OR2T6: variants seen among roughly 807,000 people sequenced by gnomAD.
OR2T6 encodes olfactory receptor 2T6.
For synonymous variants in OR2T6, 174 were observed against 148.0 expected (o/e 1.18, Z -1.27); for missense variants, 424 against 391.6 (o/e 1.08, Z -0.70).
Position 248,388,542 on chromosome 1 carries a change from T to C in OR2T6, c.*7T>C. ...AGTTGTGGCAAGATGTTAGGGGACA[T>C]GTGGTGTGATGAGGAAAGAATTCTG... On this transcript the variant is annotated 3_prime_UTR_variant, in exon 3 of 3. Transcript: ENST00000641644. The C allele has an allele frequency of 6.5e-7, 1 of 1,544,772 alleles. No individual in the cohort carries two copies. Among genetic ancestry groups the C allele is most frequent in the South Asian group, 1.3e-5 (1 of 79,406 alleles).
intron 1 of OR2T6, among the ~76,000 whole-genome samples, chr1:248,378,600 G>A (rs963903567): frequency 3.3e-5 from 5 of 152,052 alleles, no homozygotes; most frequent in African/African-American, 1.2e-4. Flanking sequence ...ATACTCTTCC[G>A]TTTAGTTGTT....
At chr1:248,377,642 C>G (rs1660958237) in intron 1 of OR2T6, among the ~76,000 whole-genome samples, 3 of 152,204 alleles carry the variant, frequency 2.0e-5, no homozygotes, top group African/African-American at 7.2e-5. Flanking sequence ...TGGTAACCAT[C>G]CGAGTGTGGT....
At chr1:248,385,928 T>C (rs1661129711) in intron 2 of OR2T6, among the ~76,000 whole-genome samples, 1 of 152,216 alleles carries the variant, frequency 6.6e-6, no homozygotes, top group African/African-American at 2.4e-5. Context: ...ATCCCGTAAG[T>C]TTCCTGTGAT....
In OR2T6 at chr1:248,388,514, G is replaced by A. The variant is rs1436401232; in HGVS notation, c.906G>A (p.Lys302=). ...LRNRDVMGAL[K]RVVARC ...ACAGGGATGTGATGGGTGCCTTGAA[G>A]AGAGTTGTGGCAAGATGTTAGGGGA... Residue 302 remains lysine, a synonymous_variant, in exon 3 of 3, where the codon AAG becomes AAA. Transcript: ENST00000641644. 4.4e-6 allele frequency: 7 copies of A among 1,575,126 alleles called. No individual in the cohort carries two copies. Among genetic ancestry groups the A allele is most frequent in the African/African-American group, 1.4e-5 (1 of 73,712 alleles).
rs766151233 is a variant in OR2T6 at position 248,388,137 on chromosome 1, T to G, written c.529T>G (p.Phe177Val). ...PFCASHQINH[F>V]FCEAPTMLRL... is the part of the protein sequence containing the mutation. ...CTGTGCCTCTCACCAAATCAATCACTTTTTCTGTGAGGCACCCACCATGCT... is the reference window on the plus strand; with the variant it reads ...CTGTGCCTCTCACCAAATCAATCACGTTTTCTGTGAGGCACCCACCATGCT... Residue 177 changes from phenylalanine to valine, a missense_variant, in exon 3 of 3, where the codon TTT becomes GTT. Phe to Val is a conservative substitution (Grantham distance 50). Transcript: ENST00000641644. 2.5e-6 allele frequency: 4 copies of G among 1,613,798 alleles called. No individual in the cohort carries two copies. In the East Asian group the frequency reaches 8.9e-5, roughly 36 times the overall value.
Position 248,388,061 on chromosome 1 carries a change from TG to T in OR2T6, c.457del (p.Ala153LeufsTer12). On this transcript the variant is annotated frameshift_variant, in exon 3 of 3. Coordinates refer to ENST00000641644, the MANE Select transcript of OR2T6 (RefSeq NM_001005471.2). LOFTEE classifies it low-confidence loss of function (END_TRUNC). Reference sequence around the variant, plus strand: ...TGATCCTGGCCAGCTCTTGGTTCGGTGGGGCTTTGGACAGTTTTCTCCTCAC... The same window carrying T: ...TGATCCTGGCCAGCTCTTGGTTCGGTGGGCTTTGGACAGTTTTCTCCTCAC... ...WMILASSWFG[G>X]ALDSFLLTPI... is the part of the protein sequence containing the mutation. 6.2e-7 allele frequency: 1 copy of T among 1,614,028 alleles called. No individual in the cohort carries two copies. Among genetic ancestry groups the T allele is most frequent in the Non-Finnish European group, 8.5e-7 (1 of 1,179,996 alleles).
chr1:248,377,720 T>A (rs1252448184), intron 1 of OR2T6, among the ~76,000 whole-genome samples: 2 of 152,184 alleles, frequency 1.3e-5, no homozygotes, highest in Admixed American at 1.3e-4. Flanking sequence ...AATAATCAGA[T>A]TCACGGATGC....
intron 1 of OR2T6, among the ~76,000 whole-genome samples, chr1:248,380,465 T>G (rs536405739): frequency 3.3e-5 from 5 of 152,068 alleles, no homozygotes. Context: ...TAAAATCCAT[T>G]AATATCTATT....
At chr1:248,382,700 C>T (rs28565101) in intron 1 of OR2T6, among the ~76,000 whole-genome samples, 115,059 of 151,810 alleles carry the variant, frequency 0.76, 44,315 homozygotes, top group African/African-American at 0.9. Context: ...GCCTGGCTAA[C>T]TTTTGTAGAG....
In OR2T6 at chr1:248,387,922, TG is replaced by T; in HGVS notation, c.317del (p.Gly106AlafsTer38). 7.5e-6 allele frequency: 12 copies of T among 1,605,028 alleles called. No homozygotes were observed. Among genetic ancestry groups the T allele is most frequent in the Non-Finnish European group, 1.0e-5 (12 of 1,175,898 alleles). On this transcript the variant is annotated frameshift_variant, in exon 3 of 3. Transcript: ENST00000641644. LOFTEE classifies it low-confidence loss of function (END_TRUNC). ...IACTAQCFLY[M>X]GFMGAEFFLL... Reference sequence around the variant, plus strand: ...TGCACTGCTCAGTGCTTTCTCTACATGGGCTTTATGGGGGCTGAATTCTTCC... The same window carrying T: ...TGCACTGCTCAGTGCTTTCTCTACATGGCTTTATGGGGGCTGAATTCTTCC...
intron 2 of OR2T6, among the ~76,000 whole-genome samples, chr1:248,385,362 C>A (rs1447225040): frequency 2.0e-5 from 3 of 152,148 alleles, no homozygotes; most frequent in Admixed American, 1.3e-4. Context: ...TTGAAACAGG[C>A]CACCCTGGAG....
Position 248,390,427 on chromosome 1 carries a change from G to A in OR2T6, c.*1892G>A, listed in dbSNP as rs927182741. On this transcript the variant is annotated 3_prime_UTR_variant, in exon 3 of 3. Transcript: ENST00000641644. Reference sequence around the variant, plus strand: ...GGTTCAGTGACGTTCTGCAGCGACTGAAGATGGTGGGTGAATGAAAGATAG... The same window carrying A: ...GGTTCAGTGACGTTCTGCAGCGACTAAAGATGGTGGGTGAATGAAAGATAG... 4 of 152,224 alleles carry A rather than the reference G, an allele frequency of 2.6e-5. No individual in the cohort carries two copies. Among genetic ancestry groups the A allele is most frequent in the African/African-American group, 9.7e-5 (4 of 41,446 alleles). 9.4% of individuals were successfully genotyped at this position (152,224 alleles called of 1,614,324 possible).
intron 2 of OR2T6, 23 bp downstream of exon 2, chr1:248,384,887 G>A (rs1319303908): frequency 6.6e-6 from 1 of 152,186 alleles, no homozygotes; most frequent in Admixed American, 6.5e-5. Context: ...GTGCAGTTAT[G>A]TTTGAATTTT....
chr1:248,385,253 G>A (rs918164866), intron 2 of OR2T6, among the ~76,000 whole-genome samples: 4 of 152,224 alleles, frequency 2.6e-5, no homozygotes, highest in East Asian at 1.9e-4. Context: ...CTGAGGAGTC[G>A]CTAGGGTTCA....
intron 2 of OR2T6, 79 bp from the exon 3 acceptor site, chr1:248,387,526 A>G (rs1461194566): frequency 3.4e-6 from 3 of 890,178 alleles, no homozygotes; most frequent in Non-Finnish European, 5.0e-6. Flanking sequence ...TAATGTTTAC[A>G]CAGACATGTT....
intron 2 of OR2T6, among the ~76,000 whole-genome samples, chr1:248,386,013 G>A (rs6695044): frequency 0.26 from 39,526 of 151,886 alleles, 6,234 homozygotes; most frequent in African/African-American, 0.43. Flanking sequence ...AAATGATGAA[G>A]CCAGAACCCC....
intron 1 of OR2T6, among the ~76,000 whole-genome samples, chr1:248,381,332 T>A (rs1428616351): frequency 6.6e-6 from 1 of 151,562 alleles, no homozygotes; most frequent in African/African-American, 2.4e-5. Context: ...TTAGAAAAAA[T>A]GTTAGATTCT....
At position 248,387,935 on chromosome 1, in the gene OR2T6, G is replaced by T; in HGVS notation, c.327G>T (p.Gly109=). The T allele has an allele frequency of 6.2e-7, 1 of 1,606,450 alleles. No homozygotes were observed. The highest frequency in any genetic ancestry group is 8.5e-7 in the Non-Finnish European group (1 of 1,176,426). ...AQCFLYMGFM[G]AEFFLLGLMA... ...GCTTTCTCTACATGGGCTTTATGGGGGCTGAATTCTTCCTGCTGGGGCTCA... is the reference window on the plus strand; with the variant it reads ...GCTTTCTCTACATGGGCTTTATGGGTGCTGAATTCTTCCTGCTGGGGCTCA... The change falls in exon 3 of 3, where the codon GGG becomes GGT. Residue 109 remains glycine, a synonymous_variant. Transcript: ENST00000641644.
In OR2T6 at chr1:248,388,524, G is replaced by T; in HGVS notation, c.916G>T (p.Ala306Ser). The T allele has an allele frequency of 6.4e-7, 1 of 1,568,490 alleles. No homozygotes were observed. ...GATGGGTGCCTTGAAGAGAGTTGTGGCAAGATGTTAGGGGACATGTGGTGT... is the reference window on the plus strand; with the variant it reads ...GATGGGTGCCTTGAAGAGAGTTGTGTCAAGATGTTAGGGGACATGTGGTGT... ...DVMGALKRVV[A>S]RC The change falls in exon 3 of 3, where the codon GCA (alanine) becomes TCA (serine). Residue 306 changes from alanine to serine, a missense_variant. Coordinates refer to ENST00000641644, the MANE Select transcript of OR2T6 (RefSeq NM_001005471.2).
Sources: allele counts gnomAD v4.1 joint callset (sites outside exome capture counted in the v4.1 genomes callset), GRCh38; gene constraint gnomAD v4.1.1; transcripts MANE v1.5; gene names NCBI Gene and HGNC (gene_info 2026-07-23, HGNC 2026-07-21).